Variants in NEGR1 observed in about 807,000 individuals in gnomAD.
NEGR1 encodes the protein neuronal growth regulator 1, also known as IgLON family member 4.
A neutral mutation model predicts 40.9 loss-of-function variants in NEGR1; 10 were observed. That is an observed-to-expected ratio of 0.24 (90% CI 0.15 to 0.42). The LOEUF is 0.42. NEGR1 is among the 10% of genes least tolerant of loss of function. NEGR1 has a pLI of 1.00. For synonymous variants in NEGR1, 185 were observed against 166.8 expected (o/e 1.11, Z -0.84); for missense variants, 352 against 438.9 (o/e 0.80, Z 1.77).
chr1:71,942,292 G>C (rs906258847), intron 1 of NEGR1, among the ~76,000 whole-genome samples: 7 of 148,092 alleles, frequency 4.7e-5, no homozygotes, highest in Admixed American at 1.4e-4. Flanking sequence ...AATTAGATGG[G>C]AAAAAAAACT....
chr1:71,949,979 G>A (rs1247731493), intron 1 of NEGR1, among the ~76,000 whole-genome samples: 1 of 151,856 alleles, frequency 6.6e-6, no homozygotes, highest in African/African-American at 2.4e-5. Context: ...ATAAAGAATG[G>A]GTAAAGAGGC....
chr1:71,806,209 A>C (rs1458351840), intron 2 of NEGR1, among the ~76,000 whole-genome samples: 1 of 152,002 alleles, frequency 6.6e-6, no homozygotes, highest in Non-Finnish European at 1.5e-5. Context: ...CCAAGAAGAT[A>C]TATTAAAGTT....
chr1:71,511,710 T>C (rs1647074369), intron 6 of NEGR1, among the ~76,000 whole-genome samples: 1 of 152,222 alleles, frequency 6.6e-6, no homozygotes. Flanking sequence ...AAGAGCAATA[T>C]GTTCTTTTGT....
chr1:72,077,461 T>G (rs1285057791), intron 1 of NEGR1, among the ~76,000 whole-genome samples: 1 of 152,068 alleles, frequency 6.6e-6, no homozygotes, highest in Admixed American at 6.6e-5. Flanking sequence ...CTTTGCCATC[T>G]CAGGGTAAAT....
intron 5 of NEGR1, among the ~76,000 whole-genome samples, chr1:71,604,739 A>C (rs1468607676): frequency 1.3e-5 from 2 of 152,188 alleles, no homozygotes; most frequent in African/African-American, 4.8e-5. Context: ...GTATCTGCAC[A>C]CATTTTGTAC....
chr1:71,406,887 A>AT lies in NEGR1; in HGVS notation c.*558dup, dbSNP rs1301501168. On this transcript the variant is annotated 3_prime_UTR_variant, in exon 7 of 7. Transcript: ENST00000357731. Reference sequence around the variant, plus strand: ...GAAGCAGAGCTGCACAGCCAGTTATATTACAAGGCTCATTCCTGAAACCTG... The same window carrying AT: ...GAAGCAGAGCTGCACAGCCAGTTATATTTACAAGGCTCATTCCTGAAACCTG... 6.6e-6 allele frequency: 1 copy of AT among 152,518 alleles called. No individual in the cohort carries two copies. Among genetic ancestry groups the AT allele is most frequent in the Non-Finnish European group, 1.5e-5 (1 of 67,950 alleles). The allele number at this position is 152,518 out of a possible 1,614,324, so 9.4% of individuals were successfully genotyped here.
chr1:71,953,938 C>A (rs375569633), intron 1 of NEGR1, among the ~76,000 whole-genome samples: 2 of 151,800 alleles, frequency 1.3e-5, no homozygotes, highest in Admixed American at 6.6e-5. Context: ...ATTGAGATAT[C>A]CACTTTATCG....
intron 4 of NEGR1, 74 bp downstream of exon 4, chr1:71,697,934 A>C: frequency 5.5e-6 from 8 of 1,445,724 alleles, no homozygotes; most frequent in Non-Finnish European, 7.5e-6. Flanking sequence ...CAGCAACATA[A>C]ATTTCAGTCA....
At chr1:71,440,310 T>C (rs1228365926) in intron 6 of NEGR1, among the ~76,000 whole-genome samples, 3 of 152,234 alleles carry the variant, frequency 2.0e-5, no homozygotes, top group South Asian at 4.1e-4. Flanking sequence ...TGATTCAATT[T>C]ACTTGTCCAG....
chr1:72,219,462 A>C (rs1212287569), intron 1 of NEGR1, among the ~76,000 whole-genome samples: 1 of 152,040 alleles, frequency 6.6e-6, no homozygotes, highest in East Asian at 1.9e-4. Context: ...CAAGCTTGGC[A>C]TTTTAGAACT....
intron 2 of NEGR1, among the ~76,000 whole-genome samples, chr1:71,789,513 A>T (rs1423606063): frequency 1.3e-5 from 2 of 152,126 alleles, no homozygotes; most frequent in African/African-American, 4.8e-5. Context: ...CTTTTGGCTT[A>T]AAATATTAAT....
At chr1:72,200,362 T>C (rs1653159530) in intron 1 of NEGR1, among the ~76,000 whole-genome samples, 1 of 151,958 alleles carries the variant, frequency 6.6e-6, no homozygotes, top group Non-Finnish European at 1.5e-5. Context: ...TCATGTCCTC[T>C]GAAGCTCCAT....
chr1:72,054,412 T>C (rs1277962264), intron 1 of NEGR1, among the ~76,000 whole-genome samples: 2 of 151,328 alleles, frequency 1.3e-5, no homozygotes, highest in South Asian at 2.1e-4. Flanking sequence ...TGTAGATTCT[T>C]TGGAACTGAT....
At chr1:71,662,845 C>A (rs1185689667) in intron 4 of NEGR1, among the ~76,000 whole-genome samples, 1 of 151,864 alleles carries the variant, frequency 6.6e-6, no homozygotes, top group East Asian at 1.9e-4. Context: ...GTACACATGA[C>A]AACTTTTCAT....
intron 1 of NEGR1, among the ~76,000 whole-genome samples, chr1:71,955,055 C>T (rs1394697121): frequency 6.6e-6 from 1 of 152,102 alleles, no homozygotes; most frequent in Non-Finnish European, 1.5e-5. Context: ...TCGGATTTAA[C>T]CTCAATTCCA....
intron 2 of NEGR1, among the ~76,000 whole-genome samples, chr1:71,928,051 T>TACAC: frequency 1.3e-5 from 1 of 74,968 alleles, no homozygotes. Flanking sequence ...CACACACACG[T>TACAC]ATATATATAC....
intron 1 of NEGR1, among the ~76,000 whole-genome samples, chr1:72,260,376 T>C (rs1290107383): frequency 6.6e-6 from 1 of 152,136 alleles, no homozygotes; most frequent in African/African-American, 2.4e-5. Context: ...CATTAAATTA[T>C]ACAATCTATA....
chr1:71,492,339 A>C (rs1412406808), intron 6 of NEGR1, among the ~76,000 whole-genome samples: 4 of 152,022 alleles, frequency 2.6e-5, no homozygotes, highest in African/African-American at 9.7e-5. Context: ...GAAACTTCTG[A>C]ACCATTTATA....
At chr1:71,560,429 T>TTATATATCTATATA (rs1648411049) in intron 6 of NEGR1, among the ~76,000 whole-genome samples, 1 of 114,266 alleles carries the variant, frequency 8.8e-6, no homozygotes, top group Non-Finnish European at 1.8e-5. Flanking sequence ...TAATTCTCCA[T>TTATATATCTATATA]TATATATATA....
Sources: gnomAD v4.1 joint callset for allele counts (sites outside exome capture counted in the v4.1 genomes callset) on GRCh38, gnomAD v4.1.1 for gene constraint, MANE v1.5 for transcripts, NCBI Gene and HGNC (gene_info 2026-07-23, HGNC 2026-07-21) for gene names.